Variants in UACA observed in about 807,000 individuals in gnomAD.
UACA encodes the protein nuclear membrane binding protein.
UACA carries 112 observed loss-of-function variants against 160.5 expected under a neutral mutation model. That is an observed-to-expected ratio of 0.70 (90% CI 0.60 to 0.82). UACA has a LOEUF of 0.82. Ranked by LOEUF, UACA falls within the 40% of genes least tolerant of loss-of-function variation. The pLI is 0.00. For synonymous variants in UACA, 557 were observed against 568.4 expected (o/e 0.98, Z 0.29); for missense variants, 1,574 against 1,614.6 (o/e 0.97, Z 0.43).
At chr15:70,688,519 A>C (rs572179596) in intron 5 of UACA, among the ~76,000 whole-genome samples, 1 of 152,280 alleles carries the variant, frequency 6.6e-6, no homozygotes, top group African/African-American at 2.4e-5. Flanking sequence ...ATTAAACCAA[A>C]CATAAGAAAA....
intron 13 of UACA, among the ~76,000 whole-genome samples, chr15:70,673,590 A>G (rs767463216): frequency 2.3e-4 from 35 of 152,236 alleles, no homozygotes; most frequent in South Asian, 4.1e-4. Flanking sequence ...TGCTATGCAC[A>G]TAAGGAGTTC....
rs183045386 is a variant in UACA, at chr15:70,657,755, T to C, written c.4180-628A>G. On this transcript the variant is annotated intron_variant, in intron 18 of 18. Transcript: ENST00000322954. ...TAAACTACAAGGAAATCTGTTGTTG[T>C]TGCTGCTGAGGTTTTTTGTTTGTTT... Among the ~76,000 whole-genome samples, 15 of 152,092 alleles carry C rather than the reference T, an allele frequency of 9.9e-5. 1 individual carries two copies. The highest frequency in any genetic ancestry group is 2.7e-4 in the African/African-American group (11 of 41,480).
intron 1 of UACA, among the ~76,000 whole-genome samples, chr15:70,720,758 A>G (rs533314164): frequency 1.3e-5 from 2 of 152,334 alleles, no homozygotes; most frequent in African/African-American, 4.8e-5. Context: ...GGTAGATTAT[A>G]TTACTGTTTG....
chr15:70,662,375 T>C (rs1237119062), intron 17 of UACA, among the ~76,000 whole-genome samples: 1 of 152,036 alleles, frequency 6.6e-6, no homozygotes, highest in Non-Finnish European at 1.5e-5. Context: ...TACAAACAAA[T>C]GGGAGAACAT....
chr15:70,774,197 T>A, the UACA span, among the ~76,000 whole-genome samples: 380 of 152,312 alleles, frequency 2.5e-3, 3 homozygotes, highest in African/African-American at 9.1e-3. Context: ...TATACTACTA[T>A]TATCCTAGTT....
rs890216378 is a variant in UACA at position 70,699,670 on chromosome 15, G to C, written c.79-10C>G. ...TCCAATCTGCTGCATGCTACAAAAAGGAAAAAAAAAAGTAAATATGGCATA... is the reference window on the plus strand; with the variant it reads ...TCCAATCTGCTGCATGCTACAAAAACGAAAAAAAAAAGTAAATATGGCATA... On this transcript the variant is annotated splice_polypyrimidine_tract_variant and intron_variant, in intron 1 of 18. Transcript: ENST00000322954. 8 of 1,567,082 alleles carry C rather than the reference G, an allele frequency of 5.1e-6. No homozygotes were observed. The highest frequency in any genetic ancestry group is 6.9e-6 in the Non-Finnish European group (8 of 1,159,786).
chr15:70,687,176 G>A (rs1309629424), intron 7 of UACA, among the ~76,000 whole-genome samples: 4 of 152,132 alleles, frequency 2.6e-5, no homozygotes, highest in Non-Finnish European at 4.4e-5. Context: ...AACTACAGAT[G>A]TACTTTTTAA....
At position 70,726,407 on chromosome 15, in the gene UACA, T is replaced by C. The variant is rs1294150738; in HGVS notation, c.79-26747A>G. Among the ~76,000 whole-genome samples, 8 of 152,348 alleles carry C rather than the reference T, an allele frequency of 5.3e-5. No individual in the cohort carries two copies. The East Asian group carries it at 1.3e-3, about 26-fold the overall frequency. On this transcript the variant is annotated intron_variant, in intron 1 of 18. Coordinates refer to ENST00000322954, the MANE Select transcript of UACA (RefSeq NM_018003.4). ...GTTTAAAAAAAAATGTAAACAGCAC[T>C]GATTTTCTCATTAGCTTAGAATTAG...
chr15:70,745,236 C>G (rs1368435145), intron 1 of UACA, among the ~76,000 whole-genome samples: 1 of 151,958 alleles, frequency 6.6e-6, no homozygotes, highest in Non-Finnish European at 1.5e-5. Context: ...TCAAGACCAT[C>G]CTAGCTAACA....
rs895934625 is a variant in UACA at position 70,656,857 on chromosome 15, C to A, written c.*199G>T. 1.9e-4 allele frequency: 86 copies of A among 458,664 alleles called. 1 individual carries two copies. Among genetic ancestry groups the A allele is most frequent in the African/African-American group, 1.6e-3 (81 of 51,068 alleles). The allele number at this position is 458,664 out of a possible 1,614,324, so 28.4% of individuals were successfully genotyped here. ...TGTTTGCCTATTTGTAAAATTAACA[C>A]ATACAGAAAATAAGATTCAAACTGA... On this transcript the variant is annotated 3_prime_UTR_variant, in exon 19 of 19. Transcript: ENST00000322954.
rs749060432 is a variant in UACA at position 70,687,556 on chromosome 15, T to C, written c.586A>G (p.Arg196Gly). 16 of 1,613,744 alleles carry C rather than the reference T, an allele frequency of 9.9e-6. No homozygotes were observed. The East Asian group carries it at 3.1e-4, about 31-fold the overall frequency. Residue 196 changes from arginine to glycine, a missense_variant, in exon 7 of 19, where the codon AGA (arginine) becomes GGA (glycine). Arg to Gly is a moderately radical substitution (Grantham distance 125). Transcript: ENST00000322954. ...AAGAATTACCTGTTTTGTTTGTCTC[T>C]GGAATTAACATCCGCTCCTCTATCT... ...LIDRGADVNS[R>G]DKQNRTALML... is the part of the protein sequence containing the mutation.
At chr15:70,735,625 G>T (rs532571436) in intron 1 of UACA, among the ~76,000 whole-genome samples, 17 of 152,044 alleles carry the variant, frequency 1.1e-4, no homozygotes, top group Non-Finnish European at 2.4e-4. Flanking sequence ...TGGACAATTT[G>T]CACATTCCAA....
chr15:70,768,434 A>C (rs1178399260), upstream of UACA: 2 of 152,146 alleles, frequency 1.3e-5, no homozygotes, highest in Non-Finnish European at 2.9e-5. Context: ...AGCATAATTG[A>C]CCTTATACCT....
the UACA span, among the ~76,000 whole-genome samples, chr15:70,768,686 A>G: frequency 6.6e-6 from 1 of 152,348 alleles, no homozygotes. Context: ...CTGACTCCAT[A>G]GTAAACTTTC....
intron 1 of UACA, chr15:70,702,254 A>G: frequency 1.9e-6 from 2 of 1,065,660 alleles, no homozygotes; most frequent in South Asian, 7.1e-5. Flanking sequence ...AAACTTGAAC[A>G]GCACTCTGCA....
At chr15:70,724,892 C>T (rs1322894116) in intron 1 of UACA, among the ~76,000 whole-genome samples, 1 of 148,236 alleles carries the variant, frequency 6.7e-6, no homozygotes, top group Middle Eastern at 3.5e-3. Context: ...AGACCAGCCT[C>T]AGCAACATAG....
the UACA span, among the ~76,000 whole-genome samples, chr15:70,773,632 T>A: frequency 8.8e-3 from 1,343 of 152,274 alleles, 16 homozygotes; most frequent in African/African-American, 0.03. Context: ...TACAGATAAG[T>A]GTACGGTGGT....
chr15:70,772,826 C>G, the UACA span, among the ~76,000 whole-genome samples: 1 of 152,092 alleles, frequency 6.6e-6, no homozygotes, highest in African/African-American at 2.4e-5. Flanking sequence ...TGGTGGCTCA[C>G]GCCTGTAATT....
chr15:70,776,866 A>T, the UACA span, among the ~76,000 whole-genome samples: 1 of 152,164 alleles, frequency 6.6e-6, no homozygotes, highest in Non-Finnish European at 1.5e-5. Context: ...TATATAGTGT[A>T]TCAAAAAGTT....
Sources: gnomAD v4.1 joint callset for allele counts (sites outside exome capture counted in the v4.1 genomes callset) on GRCh38, gnomAD v4.1.1 for gene constraint, MANE v1.5 for transcripts, NCBI Gene and HGNC (gene_info 2026-07-23, HGNC 2026-07-21) for gene names.